Variants in DYM observed in about 807,000 individuals in gnomAD.
The protein encoded by DYM is dymeclin.
A neutral mutation model predicts 93.1 loss-of-function variants in DYM; 78 were observed. The observed-to-expected ratio is 0.84, with a 90% confidence interval of 0.70 to 1.01. The LOEUF is 1.01. Among genes scored for constraint, DYM ranks in the 50% least tolerant of loss-of-function variants. The pLI is 0.00. For missense variants in DYM, 789 were observed against 845.0 expected (o/e 0.93, Z 0.82); for synonymous variants, 321 against 319.7 (o/e 1.00, Z -0.04).
chr18:49,289,723 A>ATATG (rs1555678579), intron 8 of DYM, among the ~76,000 whole-genome samples: 2 of 36,782 alleles, frequency 5.4e-5, no homozygotes, highest in South Asian at 9.0e-4. Context: ...ATATATATAT[A>ATATG]TGTGTATATA....
At chr18:49,207,116 G>A (rs984323809) in intron 14 of DYM, among the ~76,000 whole-genome samples, 5 of 151,864 alleles carry the variant, frequency 3.3e-5, no homozygotes, top group South Asian at 2.1e-4. Context: ...AGCTGAACAT[G>A]TATTTCTGTC....
intron 11 of DYM, among the ~76,000 whole-genome samples, chr18:49,266,151 A>G (rs1273030817): frequency 2.0e-5 from 3 of 152,190 alleles, no homozygotes; most frequent in African/African-American, 7.2e-5. Flanking sequence ...AAATTGGAAG[A>G]AAGAGATGAA....
At chr18:49,185,568 T>C (rs2090357973) in intron 14 of DYM, among the ~76,000 whole-genome samples, 1 of 152,232 alleles carries the variant, frequency 6.6e-6, no homozygotes, top group Non-Finnish European at 1.5e-5. Context: ...CACAACAACA[T>C]CAGAAAGCTT....
At chr18:49,375,758 G>C (rs1386257472) in intron 5 of DYM, 3 of 152,164 alleles carry the variant, frequency 2.0e-5, no homozygotes, top group African/African-American at 7.2e-5. Context: ...ATCAACGTTT[G>C]AGTCAGTGGA....
chr18:49,128,843 T>C (rs886185172), intron 15 of DYM, among the ~76,000 whole-genome samples: 2 of 152,144 alleles, frequency 1.3e-5, no homozygotes. Flanking sequence ...CCAAAAACCT[T>C]TGTAAGTAAA....
At chr18:49,228,079 T>C (rs1266698635) in intron 13 of DYM, among the ~76,000 whole-genome samples, 1 of 152,196 alleles carries the variant, frequency 6.6e-6, no homozygotes, top group African/African-American at 2.4e-5. Context: ...CCCCTCTCAA[T>C]AATCATAGAA....
At chr18:49,234,955 A>G (rs1225009249) in intron 13 of DYM, among the ~76,000 whole-genome samples, 1 of 152,186 alleles carries the variant, frequency 6.6e-6, no homozygotes, top group Non-Finnish European at 1.5e-5. Flanking sequence ...GCCCTCAGGA[A>G]GGCAAGGGGG....
At position 49,288,915 on chromosome 18, in the gene DYM, T is replaced by G. The variant is rs2059842015; in HGVS notation, c.764-2299A>C. Among the ~76,000 whole-genome samples the G allele has an allele frequency of 2.6e-5, 4 of 152,098 alleles. No homozygotes were observed. The South Asian group carries it at 8.3e-4, about 32-fold the overall frequency. On this transcript the variant is annotated intron_variant, in intron 8 of 17. Transcript: ENST00000675505. ...TTGTAATACAGTGTAAATAAAACAT[T>G]TCTACATGAAAAAAATACATAAGAA...
At chr18:49,309,552 T>C (rs1175858828) in intron 8 of DYM, among the ~76,000 whole-genome samples, 1 of 152,168 alleles carries the variant, frequency 6.6e-6, no homozygotes, top group Admixed American at 6.5e-5. Context: ...AGAAGATAGC[T>C]TGAGCCCAGG....
intron 17 of DYM, among the ~76,000 whole-genome samples, chr18:49,093,618 A>G (rs1462849368): frequency 6.6e-6 from 1 of 152,130 alleles, no homozygotes; most frequent in African/African-American, 2.4e-5. Flanking sequence ...TAGAGGGAGG[A>G]TGCTGGCTAT....
At chr18:49,392,681 T>A (rs1599872482) in intron 2 of DYM, among the ~76,000 whole-genome samples, 4 of 68,502 alleles carry the variant, frequency 5.8e-5, no homozygotes, top group Admixed American at 2.3e-4. Context: ...GGCTTTTATT[T>A]AAAAAAAAAA....
At chr18:49,231,877 A>AT (rs1480776043) in intron 13 of DYM, among the ~76,000 whole-genome samples, 1 of 152,212 alleles carries the variant, frequency 6.6e-6, no homozygotes, top group Non-Finnish European at 1.5e-5. Context: ...TCACATCAAC[A>AT]TGACTCTTAA....
At chr18:49,189,172 G>T (rs569890866) in intron 14 of DYM, among the ~76,000 whole-genome samples, 111 of 152,128 alleles carry the variant, frequency 7.3e-4, no homozygotes, top group Non-Finnish European at 1.1e-3. Flanking sequence ...CAGAGGAAGG[G>T]GACAAGGGCT....
At chr18:49,239,212 A>G (rs1464380899) in intron 13 of DYM, among the ~76,000 whole-genome samples, 1 of 152,160 alleles carries the variant, frequency 6.6e-6, no homozygotes, top group Non-Finnish European at 1.5e-5. Flanking sequence ...AGTCAGGGAG[A>G]GAATGTTAAT....
chr18:49,072,596 G>A lies in DYM; in HGVS notation c.2025+24806C>T, dbSNP rs1355315672. On this transcript the variant is annotated intron_variant, in intron 17 of 17. Transcript: ENST00000675505. ...TTGGAAGAAACCAGATTTCGTCAGT[G>A]AGGTTTGGCAACGTGAGAAACCCTG... is the stretch of plus-strand genomic sequence containing the variant. Among the ~76,000 whole-genome samples, 4 of 152,224 alleles carry A rather than the reference G, an allele frequency of 2.6e-5. No individual in the cohort carries two copies. The East Asian group carries it at 7.7e-4, about 29-fold the overall frequency.
At chr18:49,187,413 C>A (rs1231226869) in intron 14 of DYM, among the ~76,000 whole-genome samples, 1 of 152,170 alleles carries the variant, frequency 6.6e-6, no homozygotes, top group Non-Finnish European at 1.5e-5. Flanking sequence ...AAAGCTGTCA[C>A]TTTTGGGCCA....
intron 2 of DYM, among the ~76,000 whole-genome samples, chr18:49,421,256 C>A (rs937196988): frequency 1.3e-5 from 2 of 152,096 alleles, no homozygotes; most frequent in African/African-American, 4.8e-5. Context: ...CCAGTAGGGG[C>A]CGACTGACAC....
intron 6 of DYM, among the ~76,000 whole-genome samples, chr18:49,346,224 A>G (rs1282913511): frequency 6.6e-6 from 1 of 152,202 alleles, no homozygotes; most frequent in Admixed American, 6.5e-5. Context: ...GTAAAAATAA[A>G]CCCAATGCAT....
At chr18:49,455,175 T>C (rs572104882) in intron 1 of DYM, among the ~76,000 whole-genome samples, 1 of 152,256 alleles carries the variant, frequency 6.6e-6, no homozygotes, top group African/African-American at 2.4e-5. Flanking sequence ...CCCTAAGACT[T>C]CCAGATTGAT....
Sources: gnomAD v4.1 joint callset for allele counts (sites outside exome capture counted in the v4.1 genomes callset) on GRCh38, gnomAD v4.1.1 for gene constraint, MANE v1.5 for transcripts, NCBI Gene and HGNC (gene_info 2026-07-23, HGNC 2026-07-21) for gene names.